Variants in TSHZ2 observed in about 807,000 individuals in gnomAD.
TSHZ2 encodes teashirt zinc finger homeobox 2, also known as teashirt homolog 2.
A neutral mutation model predicts 74.4 loss-of-function variants in TSHZ2; 21 were observed. The observed-to-expected ratio is 0.28, with a 90% CI of 0.20 to 0.41. The LOEUF (loss-of-function observed/expected upper bound fraction) is 0.41. Among genes scored for constraint, TSHZ2 ranks in the 10% least tolerant of loss-of-function variants. TSHZ2 has a pLI of 1.00. For missense variants in TSHZ2, 1,244 were observed against 1,293.5 expected, an observed-to-expected ratio of 0.96 and a Z score of 0.59; for synonymous variants, 540 against 515.3, an observed-to-expected ratio of 1.05 and a Z score of -0.65.
At chr20:53,345,775 T>C (rs1051604810) in intron 2 of TSHZ2, among the ~76,000 whole-genome samples, 1 of 148,282 alleles carries the variant, frequency 6.7e-6, no homozygotes, top group Non-Finnish European at 1.5e-5. Flanking sequence ...CACCCCTCAT[T>C]TCTCTCCCCT....
intron 1 of TSHZ2, among the ~76,000 whole-genome samples, chr20:53,231,112 A>T (rs546193085): frequency 1.1e-4 from 16 of 152,296 alleles, no homozygotes; most frequent in African/African-American, 3.6e-4. Context: ...CTGTCAGTGT[A>T]TCTGGAGTTG....
intron 1 of TSHZ2, among the ~76,000 whole-genome samples, chr20:53,248,220 A>G (rs1346813237): frequency 6.6e-6 from 1 of 150,874 alleles, no homozygotes; most frequent in Non-Finnish European, 1.5e-5. Context: ...ATAGGCATGC[A>G]CCATTATGCC....
intron 1 of TSHZ2, among the ~76,000 whole-genome samples, chr20:53,006,261 T>C (rs1982640653): frequency 6.6e-6 from 1 of 152,250 alleles, no homozygotes; most frequent in South Asian, 2.1e-4. Context: ...AGTGTCACTA[T>C]TGCAAGAGTA....
At chr20:53,144,425 G>A (rs1418313534) in intron 1 of TSHZ2, among the ~76,000 whole-genome samples, 3 of 152,130 alleles carry the variant, frequency 2.0e-5, no homozygotes, top group African/African-American at 7.2e-5. Context: ...CAAGCAAGAT[G>A]GAGTCAGTTA....
At chr20:53,304,716 C>G (rs1438517033) in intron 2 of TSHZ2, among the ~76,000 whole-genome samples, 1 of 152,202 alleles carries the variant, frequency 6.6e-6, no homozygotes, top group Non-Finnish European at 1.5e-5. Flanking sequence ...ACTGCAACCT[C>G]TGCCTCCCGG....
chr20:53,050,486 C>T (rs1017519748), intron 1 of TSHZ2, among the ~76,000 whole-genome samples: 7 of 152,118 alleles, frequency 4.6e-5, no homozygotes, highest in Admixed American at 3.9e-4. Flanking sequence ...GACTCAATAA[C>T]GACTCAGCTC....
intron 2 of TSHZ2, among the ~76,000 whole-genome samples, chr20:53,393,256 G>A (rs1398516631): frequency 6.6e-6 from 1 of 152,210 alleles, no homozygotes; most frequent in Non-Finnish European, 1.5e-5. Context: ...GTGAGAACAT[G>A]CAGTATTTGG....
At chr20:53,064,237 T>C (rs1984907064) in intron 1 of TSHZ2, among the ~76,000 whole-genome samples, 1 of 152,112 alleles carries the variant, frequency 6.6e-6, no homozygotes, top group African/African-American at 2.4e-5. Context: ...GGCTCTGGTT[T>C]AGAAGACCAA....
chr20:53,305,453 G>A (rs1978491881), intron 2 of TSHZ2, among the ~76,000 whole-genome samples: 1 of 152,048 alleles, frequency 6.6e-6, no homozygotes, highest in Non-Finnish European at 1.5e-5. Context: ...ACTAGGCAGA[G>A]AAGTGCCTGC....
intron 1 of TSHZ2, among the ~76,000 whole-genome samples, chr20:53,234,046 T>C (rs537673667): frequency 1.3e-5 from 2 of 152,312 alleles, no homozygotes; most frequent in Non-Finnish European, 2.9e-5. Context: ...GCCCAGTAAG[T>C]ATTTTTCTGA....
rs375595323 is a variant in TSHZ2, at chr20:53,255,874, A to G, written c.2416A>G (p.Thr806Ala). ...ADMVKVLPKATTPKPASSSRV... is the reference protein window; with the variant it reads ...ADMVKVLPKAATPKPASSSRV... ...CATGGTCAAAGTCCTCCCCAAAGCC[A>G]CCACCCCAAAGCCAGCCTCCTCCTC... Residue 806 changes from threonine to alanine, a missense_variant, in exon 2 of 3, where the codon ACC becomes GCC. Around this residue, in one of 6 missense-constraint regions of TSHZ2, gnomAD observed 562 missense variants for 544.0 expected, o/e 1.03. Coordinates refer to ENST00000371497, the MANE Select transcript of TSHZ2 (RefSeq NM_173485.6). This position sits in a 1 kb window ranked among gnomAD's most constrained non-coding sequence, Gnocchi z 4.1. 42 of 1,612,492 alleles carry G rather than the reference A, an allele frequency of 2.6e-5. No individual in the cohort carries two copies. In the African/African-American group the frequency reaches 5.1e-4, roughly 19 times the overall value.
chr20:53,169,533 CT>C (rs1988141575), intron 1 of TSHZ2, among the ~76,000 whole-genome samples: 1 of 152,212 alleles, frequency 6.6e-6, no homozygotes, highest in East Asian at 1.9e-4. Flanking sequence ...TCTTCCAGCT[CT>C]CTTTTTTAAC....
intron 1 of TSHZ2, among the ~76,000 whole-genome samples, chr20:53,001,855 G>A (rs138973041): frequency 1.3e-5 from 2 of 152,326 alleles, no homozygotes; most frequent in African/African-American, 2.4e-5. Context: ...TTTTGAGAAG[G>A]CTTGTCTAGA....
chr20:53,179,942 T>C (rs1038759842), intron 1 of TSHZ2, among the ~76,000 whole-genome samples: 2 of 152,206 alleles, frequency 1.3e-5, no homozygotes, highest in Admixed American at 6.5e-5. Context: ...CCCTAGCAAC[T>C]GTAAGATCAC....
At chr20:53,001,205 CGTGTGTGTGTGTGTGTGTGTGT>C (rs558621179) in intron 1 of TSHZ2, among the ~76,000 whole-genome samples, 30 of 94,192 alleles carry the variant, frequency 3.2e-4, no homozygotes, top group African/African-American at 3.2e-4. Context: ...CGTTCATGTG[CGTGTGTGTGTGTGTGTGTGTGT>C]GTGTGTGTGT....
At chr20:53,432,550 C>A (rs1421316280) in intron 2 of TSHZ2, among the ~76,000 whole-genome samples, 1 of 152,186 alleles carries the variant, frequency 6.6e-6, no homozygotes, top group African/African-American at 2.4e-5. Context: ...AACCTCCATA[C>A]TATTTTCCAT....
At chr20:53,183,803 G>C (rs753393906) in intron 1 of TSHZ2, among the ~76,000 whole-genome samples, 1 of 152,188 alleles carries the variant, frequency 6.6e-6, no homozygotes, top group African/African-American at 2.4e-5. Context: ...TTTTCACAAG[G>C]CAGCATCGTT....
At chr20:53,188,246 A>G (rs572973868) in intron 1 of TSHZ2, among the ~76,000 whole-genome samples, 1 of 152,316 alleles carries the variant, frequency 6.6e-6, no homozygotes, top group Non-Finnish European at 1.5e-5. Flanking sequence ...ATGTATCATT[A>G]CATAAATGGT....
intron 1 of TSHZ2, among the ~76,000 whole-genome samples, chr20:53,232,638 A>C (rs959042262): frequency 6.6e-6 from 1 of 152,176 alleles, no homozygotes; most frequent in African/African-American, 2.4e-5. Flanking sequence ...ACAATGCTGG[A>C]AGGATGGCTG....
Sources: gnomAD v4.1 joint callset for allele counts (sites outside exome capture counted in the v4.1 genomes callset) on GRCh38, gnomAD v4.1.1 for gene constraint, gnomAD v4.1.1 regional missense constraint, Gnocchi (gnomAD v3.1) non-coding constraint, MANE v1.5 for transcripts, NCBI Gene and HGNC (gene_info 2026-07-23, HGNC 2026-07-21) for gene names.